The following METTL15 variants were observed in gnomAD, a reference collection of about 807,000 sequenced individuals.
METTL15 encodes methyltransferase 15, mitochondrial 12S rRNA N4-cytidine.
METTL15 carries 34 observed loss-of-function variants against 38.3 expected under a neutral mutation model. The ratio of observed to expected loss-of-function variants is 0.89; its 90% CI spans 0.68 to 1.18. METTL15 has a LOEUF of 1.18. METTL15 is among the 50% of genes most tolerant of loss of function. The pLI is 0.00. For synonymous variants in METTL15, 162 were observed against 170.9 expected, an observed-to-expected ratio of 0.95 and a Z score of 0.41; for missense variants, 438 against 498.4, an observed-to-expected ratio of 0.88 and a Z score of 1.15.
chr11:28,139,206 A>T (rs940895629), intron 3 of METTL15, among the ~76,000 whole-genome samples: 43 of 152,224 alleles, frequency 2.8e-4, no homozygotes, highest in African/African-American at 9.9e-4. Flanking sequence ...GTCCTGTGGT[A>T]TGGGGACACA....
intron 6 of METTL15, among the ~76,000 whole-genome samples, chr11:28,476,417 C>A (rs1342771287): frequency 3.9e-5 from 6 of 152,138 alleles, no homozygotes; most frequent in Non-Finnish European, 8.8e-5. Context: ...AACAAGACCA[C>A]CAGAATTCTT....
chr11:28,399,714 C>T (rs1850612032), intron 5 of METTL15, among the ~76,000 whole-genome samples: 1 of 151,792 alleles, frequency 6.6e-6, no homozygotes, highest in Non-Finnish European at 1.5e-5. Flanking sequence ...TCTTTCTAAT[C>T]TACTATCAAA....
At chr11:28,205,462 T>C (rs1852293177) in intron 3 of METTL15, among the ~76,000 whole-genome samples, 1 of 152,178 alleles carries the variant, frequency 6.6e-6, no homozygotes, top group Non-Finnish European at 1.5e-5. Flanking sequence ...CTGCATAGTA[T>C]TCCATGGTGT....
rs924256000 is a variant in METTL15, at chr11:28,191,074, G to A, written c.271-19988G>A. ...ACTTCTTTCATATGATTATTATAAG[G>A]TTTGTATTTTAAACTTATCCCTTTT... is the stretch of plus-strand genomic sequence containing the variant. On this transcript the variant is annotated intron_variant, in intron 3 of 6. Coordinates refer to ENST00000407364, the MANE Select transcript of METTL15 (RefSeq NM_001113528.2). Among the ~76,000 whole-genome samples the A allele has an allele frequency of 3.3e-5, 5 of 151,258 alleles. No individual in the cohort carries two copies. In the South Asian group the frequency reaches 1.0e-3, roughly 31 times the overall value.
chr11:28,122,614 ATAAT>A (rs1852301279), intron 3 of METTL15, among the ~76,000 whole-genome samples: 1 of 151,602 alleles, frequency 6.6e-6, no homozygotes, highest in Non-Finnish European at 1.5e-5. Context: ...AAGTAACTAT[ATAAT>A]TAGGTTTTCA....
chr11:28,191,701 A>G (rs1223070387), intron 3 of METTL15, among the ~76,000 whole-genome samples: 1 of 151,656 alleles, frequency 6.6e-6, no homozygotes, highest in Non-Finnish European at 1.5e-5. Context: ...TTAAGAAGTA[A>G]CCAAAACTTC....
At chr11:28,441,066 T>A (rs1851030859) in intron 6 of METTL15, among the ~76,000 whole-genome samples, 1 of 151,780 alleles carries the variant, frequency 6.6e-6, no homozygotes. Flanking sequence ...CTACTTTTTT[T>A]TTTTTTTTGT....
intron 3 of METTL15, among the ~76,000 whole-genome samples, chr11:28,187,177 G>A (rs1273545739): frequency 6.6e-6 from 1 of 151,174 alleles, no homozygotes; most frequent in Non-Finnish European, 1.5e-5. Context: ...AATTTATCCA[G>A]TAATCCAGAA....
At chr11:28,401,398 A>T (rs1286776093) in intron 5 of METTL15, among the ~76,000 whole-genome samples, 4 of 151,662 alleles carry the variant, frequency 2.6e-5, no homozygotes, top group African/African-American at 7.3e-5. Flanking sequence ...CATCATTTTA[A>T]TTTTTTCAAA....
chr11:28,258,964 G>A (rs1455080465), intron 4 of METTL15, among the ~76,000 whole-genome samples: 1 of 152,084 alleles, frequency 6.6e-6, no homozygotes, highest in African/African-American at 2.4e-5. Context: ...CCCATAGCCA[G>A]TACAGCTGGG....
chr11:28,307,146 TATAGA>T (rs1439762503), intron 6 of METTL15, among the ~76,000 whole-genome samples: 1 of 151,916 alleles, frequency 6.6e-6, no homozygotes, highest in Admixed American at 6.6e-5. Flanking sequence ...TATTATAAAC[TATAGA>T]ATAGATCACC....
chr11:28,382,288 T>C (rs1204007115), intron 5 of METTL15, among the ~76,000 whole-genome samples: 2 of 152,008 alleles, frequency 1.3e-5, no homozygotes, highest in Non-Finnish European at 2.9e-5. Flanking sequence ...CAGAGCAGAG[T>C]TTCCAAGTCT....
chr11:28,142,132 T>G (rs1849720021), intron 3 of METTL15, among the ~76,000 whole-genome samples: 1 of 152,164 alleles, frequency 6.6e-6, no homozygotes, highest in Non-Finnish European at 1.5e-5. Context: ...TGAAAACAAA[T>G]TTAGTTTAAA....
chr11:28,479,981 T>G (rs1851382079), intron 6 of METTL15, among the ~76,000 whole-genome samples: 1 of 152,168 alleles, frequency 6.6e-6, no homozygotes. Context: ...AGTTCCAACA[T>G]GAATATTGCT....
At chr11:28,163,036 A>G (rs968233073) in intron 3 of METTL15, among the ~76,000 whole-genome samples, 4 of 152,140 alleles carry the variant, frequency 2.6e-5, no homozygotes, top group East Asian at 3.8e-4. Flanking sequence ...ATCAGAAATA[A>G]GCAATCTAAT....
At chr11:28,494,263 C>G (rs1851519087) in intron 6 of METTL15, among the ~76,000 whole-genome samples, 1 of 152,144 alleles carries the variant, frequency 6.6e-6, no homozygotes, top group Admixed American at 6.5e-5. Flanking sequence ...CACCACCAAC[C>G]CACTTTAATT....
intron 6 of METTL15, among the ~76,000 whole-genome samples, chr11:28,322,438 A>G (rs1849502519): frequency 6.6e-6 from 1 of 152,134 alleles, no homozygotes; most frequent in African/African-American, 2.4e-5. Flanking sequence ...ATTGCCAAAG[A>G]AATGAAAATT....
chr11:28,532,093 A>G, the METTL15 span, among the ~76,000 whole-genome samples: 452 of 152,262 alleles, frequency 3.0e-3, 1 homozygote, highest in African/African-American at 0.011. Flanking sequence ...CACCATCATC[A>G]GCATCAGCTA....
chr11:28,250,911 T>G (rs1033731630), intron 4 of METTL15, among the ~76,000 whole-genome samples: 4 of 152,012 alleles, frequency 2.6e-5, no homozygotes, highest in African/African-American at 9.7e-5. Context: ...TTTCCTTGCA[T>G]TATTTGTGGC....
Sources: gnomAD v4.1 joint callset for allele counts (sites outside exome capture counted in the v4.1 genomes callset) on GRCh38, gnomAD v4.1.1 for gene constraint, MANE v1.5 for transcripts, NCBI Gene and HGNC (gene_info 2026-07-23, HGNC 2026-07-21) for gene names.